CDH13: variants seen among roughly 807,000 people sequenced by gnomAD.
CDH13 encodes the protein cadherin-13.
In CDH13, 24 loss-of-function variants were observed where a neutral mutation model predicts 63.8. The ratio of observed to expected loss-of-function variants is 0.38; its 90% CI spans 0.27 to 0.53. The LOEUF (loss-of-function observed/expected upper bound fraction) is 0.53. CDH13 is among the 20% of genes least tolerant of loss of function. The probability of loss-of-function intolerance (pLI) is 0.85; values close to 1 mark genes in which losing one functional copy is unlikely to be tolerated. For synonymous variants in CDH13, 503 were observed against 355.3 expected, an observed-to-expected ratio of 1.42 and a Z score of -4.67; for missense variants, 1,049 against 903.1, an observed-to-expected ratio of 1.16 and a Z score of -2.07.
chr16:82,838,574 CT>C (rs2038871403), intron 1 of CDH13, among the ~76,000 whole-genome samples: 1 of 152,172 alleles, frequency 6.6e-6, no homozygotes, highest in South Asian at 2.1e-4. Flanking sequence ...CTCATTGCTT[CT>C]GGGCTTTCCA....
chr16:83,261,481 G>C (rs1043800755), intron 5 of CDH13, among the ~76,000 whole-genome samples: 9 of 151,944 alleles, frequency 5.9e-5, no homozygotes, highest in Non-Finnish European at 1.3e-4. Context: ...TGAAGTGGAG[G>C]GACAGGAATG....
intron 1 of CDH13, among the ~76,000 whole-genome samples, chr16:82,661,130 C>A (rs1911894259): frequency 6.6e-6 from 1 of 152,146 alleles, no homozygotes; most frequent in Non-Finnish European, 1.5e-5. Flanking sequence ...ATACAGCTGT[C>A]CGTTTCCTTT....
At chr16:83,195,077 A>G (rs2038840069) in intron 4 of CDH13, among the ~76,000 whole-genome samples, 1 of 152,218 alleles carries the variant, frequency 6.6e-6, no homozygotes, top group Admixed American at 6.5e-5. Flanking sequence ...ATCCTAAGGA[A>G]TAATGTAAAA....
At chr16:82,835,908 C>T (rs771656480) in intron 1 of CDH13, among the ~76,000 whole-genome samples, 2 of 152,138 alleles carry the variant, frequency 1.3e-5, no homozygotes, top group Non-Finnish European at 2.9e-5. Context: ...CTACCAACAC[C>T]CCCAGGAGAA....
intron 10 of CDH13, among the ~76,000 whole-genome samples, chr16:83,737,768 C>T (rs1211889581): frequency 6.6e-6 from 1 of 152,210 alleles, no homozygotes; most frequent in African/African-American, 2.4e-5. Flanking sequence ...ACCAGTGGCA[C>T]AAACAAATGC....
At chr16:83,288,227 C>G (rs570567615) in intron 5 of CDH13, among the ~76,000 whole-genome samples, 2 of 152,310 alleles carry the variant, frequency 1.3e-5, no homozygotes, top group Non-Finnish European at 2.9e-5. Flanking sequence ...TAGCCCAGCC[C>G]CAATAGCTAA....
At chr16:83,304,728 G>T (rs1160823167) in intron 5 of CDH13, among the ~76,000 whole-genome samples, 1 of 152,170 alleles carries the variant, frequency 6.6e-6, no homozygotes, top group African/African-American at 2.4e-5. Context: ...AAGGCATTCA[G>T]CAGGTGTCCT....
chr16:83,303,439 A>C (rs2089797793), intron 5 of CDH13, among the ~76,000 whole-genome samples: 2 of 152,214 alleles, frequency 1.3e-5, no homozygotes, highest in South Asian at 4.1e-4. Flanking sequence ...GAATAAGCCC[A>C]GTGCTGAGAC....
chr16:82,774,131 A>T (rs951845971), intron 1 of CDH13, among the ~76,000 whole-genome samples: 2 of 105,334 alleles, frequency 1.9e-5, no homozygotes, highest in African/African-American at 2.8e-5. Flanking sequence ...AATTCTCTTT[A>T]AAAAAAAAAT....
At chr16:83,702,103 C>A (rs1252324319) in intron 10 of CDH13, among the ~76,000 whole-genome samples, 1 of 152,182 alleles carries the variant, frequency 6.6e-6, no homozygotes, top group African/African-American at 2.4e-5. Context: ...CAAGAATCAT[C>A]CCAAATATAC....
chr16:82,779,824 A>C (rs935374593), intron 1 of CDH13, among the ~76,000 whole-genome samples: 2 of 151,678 alleles, frequency 1.3e-5, no homozygotes, highest in East Asian at 3.9e-4. Context: ...AGATGACTGA[A>C]GTAGAGGGAA....
chr16:83,236,863 T>G (rs1006156639), intron 5 of CDH13, among the ~76,000 whole-genome samples: 3 of 152,044 alleles, frequency 2.0e-5, no homozygotes, highest in African/African-American at 7.2e-5. Flanking sequence ...TTTGAAGTCA[T>G]GGAAATGTTT....
intron 1 of CDH13, among the ~76,000 whole-genome samples, chr16:82,786,696 A>C (rs1236734883): frequency 3.5e-5 from 4 of 115,432 alleles, no homozygotes; most frequent in Non-Finnish European, 6.6e-5. Flanking sequence ...GATGTTCCCC[A>C]CCCTGTGTCC....
At chr16:83,671,585 G>A (rs1040068480) in intron 9 of CDH13, among the ~76,000 whole-genome samples, 1 of 152,168 alleles carries the variant, frequency 6.6e-6, no homozygotes, top group Non-Finnish European at 1.5e-5. Flanking sequence ...TTATACATTT[G>A]CTAAGGAATT....
At chr16:82,689,819 G>A (rs1915454909) in intron 1 of CDH13, among the ~76,000 whole-genome samples, 1 of 151,580 alleles carries the variant, frequency 6.6e-6, no homozygotes, top group South Asian at 2.1e-4. Flanking sequence ...AAGATGTAAT[G>A]CATTTCTGTC....
At chr16:83,005,234 G>C (rs890915392) in intron 2 of CDH13, among the ~76,000 whole-genome samples, 7 of 152,162 alleles carry the variant, frequency 4.6e-5, no homozygotes, top group Non-Finnish European at 8.8e-5. Flanking sequence ...GGACATTGCT[G>C]GATTTTTGGA....
chr16:82,941,491 A>C (rs1357871948), intron 2 of CDH13, among the ~76,000 whole-genome samples: 1 of 152,216 alleles, frequency 6.6e-6, no homozygotes, highest in Non-Finnish European at 1.5e-5. Flanking sequence ...TACATTGCAC[A>C]ATCCACGTGT....
intron 1 of CDH13, among the ~76,000 whole-genome samples, chr16:82,703,773 C>G (rs563245430): frequency 6.6e-6 from 1 of 152,182 alleles, no homozygotes; most frequent in Admixed American, 6.5e-5. Context: ...TGCTAATGCC[C>G]CCTCTTTGCC....
rs116555883 is a variant in CDH13 at position 83,084,435 on chromosome 16, G to C, written c.367-40950G>C. Among the ~76,000 whole-genome samples the C allele has an allele frequency of 6.7e-3, 1,016 of 152,298 alleles. 17 individuals carry two copies. Among genetic ancestry groups the C allele is most frequent in the African/African-American group, 0.022 (906 of 41,564 alleles). ...ATTACTGTGTGACCTCCTATTGTCA[G>C]AGCATCTTTGTGGAGGAGAACCCAT... On this transcript the variant is annotated intron_variant, in intron 3 of 13. Transcript: ENST00000567109.
Sources: allele counts gnomAD v4.1 joint callset (sites outside exome capture counted in the v4.1 genomes callset), GRCh38; gene constraint gnomAD v4.1.1; transcripts MANE v1.5; gene names NCBI Gene and HGNC (gene_info 2026-07-23, HGNC 2026-07-21).